Variants in AP1AR observed in about 807,000 individuals in gnomAD.
AP1AR encodes the protein adaptor related protein complex 1 associated regulatory protein, also known as AP-1 complex-associated regulatory protein.
A neutral mutation model predicts 46.3 loss-of-function variants in AP1AR; 29 were observed. That is an observed-to-expected ratio of 0.63 (90% CI 0.47 to 0.85). The LOEUF is 0.85. Among genes scored for constraint, AP1AR ranks in the 40% least tolerant of loss-of-function variants. The pLI is 0.00. For synonymous variants in AP1AR, 122 were observed against 122.9 expected (o/e 0.99, Z 0.05); for missense variants, 357 against 356.3 (o/e 1.00, Z -0.02).
At chr4:112,236,410 T>TTC (rs1209261214) in intron 1 of AP1AR, among the ~76,000 whole-genome samples, 1 of 151,316 alleles carries the variant, frequency 6.6e-6, no homozygotes, top group Non-Finnish European at 1.5e-5. Flanking sequence ...CTTTTTTTTT[T>TTC]TTTCCCCCAA....
chr4:112,249,277 G>A (rs945837827), intron 1 of AP1AR, among the ~76,000 whole-genome samples: 1 of 149,308 alleles, frequency 6.7e-6, no homozygotes, highest in Non-Finnish European at 1.5e-5. Flanking sequence ...GGCAACAAGA[G>A]CAAAACTCTG....
At chr4:112,257,257 A>G (rs1396831180) in intron 3 of AP1AR, among the ~76,000 whole-genome samples, 2 of 152,144 alleles carry the variant, frequency 1.3e-5, no homozygotes, top group Non-Finnish European at 2.9e-5. Context: ...GCCCTGTTCT[A>G]CCTCATCTGG....
At chr4:112,267,296 A>G (rs766938647) in intron 9 of AP1AR, among the ~76,000 whole-genome samples, 14 of 151,932 alleles carry the variant, frequency 9.2e-5, no homozygotes, top group Non-Finnish European at 1.6e-4. Context: ...TGTGAATCCT[A>G]GATTTTAATT....
chr4:112,263,421 C>G (rs1260835815), intron 6 of AP1AR, among the ~76,000 whole-genome samples: 2 of 150,462 alleles, frequency 1.3e-5, no homozygotes, highest in Admixed American at 6.6e-5. Flanking sequence ...CGTTGCAAAA[C>G]TAGCCTTTAA....
In AP1AR at chr4:112,231,945, G is replaced by A; in HGVS notation, c.-147G>A. The A allele has an allele frequency of 1.7e-6, 1 of 604,500 alleles. No individual in the cohort carries two copies. Among genetic ancestry groups the A allele is most frequent in the East Asian group, 3.5e-5 (1 of 28,870 alleles). 37.4% of individuals were successfully genotyped at this position (604,500 alleles called of 1,614,324 possible). Reference sequence around the variant, plus strand: ...CTAGCGCCTCGTCTTTCGTCGCCCCGTGCCCTCACGCCGCCGGGCTCTGGC... The same window carrying A: ...CTAGCGCCTCGTCTTTCGTCGCCCCATGCCCTCACGCCGCCGGGCTCTGGC... On this transcript the variant is annotated 5_prime_UTR_variant, in exon 1 of 10. It adds an upstream start codon to the 5' untranslated region. Transcript: ENST00000274000.
At chr4:112,247,902 G>A (rs914008547) in intron 1 of AP1AR, among the ~76,000 whole-genome samples, 1 of 152,190 alleles carries the variant, frequency 6.6e-6, no homozygotes, top group Non-Finnish European at 1.5e-5. Flanking sequence ...AGCTTGATGT[G>A]AAATATTATG....
intron 1 of AP1AR, among the ~76,000 whole-genome samples, chr4:112,245,715 C>G (rs1253769916): frequency 1.3e-5 from 2 of 152,186 alleles, no homozygotes; most frequent in East Asian, 3.9e-4. Context: ...CGTTCCTGAC[C>G]CATTGTAGGT....
In AP1AR at chr4:112,268,234, G is replaced by A. The variant is rs1726788696; in HGVS notation, c.734G>A (p.Gly245Glu). 3.1e-6 allele frequency: 5 copies of A among 1,613,054 alleles called. No individual in the cohort carries two copies. Among genetic ancestry groups the A allele is most frequent in the Non-Finnish European group, 4.2e-6 (5 of 1,179,348 alleles). The change falls in exon 10 of 10, where the codon GGA becomes GAA. Residue 245 changes from glycine (G) to glutamate (E), a missense_variant. Gly to Glu is a moderately conservative substitution (Grantham distance 98, BLOSUM62 -2). This residue lies in a region of AP1AR where 88 missense variants were observed against 132.7 expected (regional missense o/e 0.66). Transcript: ENST00000274000. ...CTTAAGTATAGCAACAAGAAGACTG[G>A]AAGTAATCCTACATCAGCCTCTGAT... ...AALKYSNKKT[G>E]SNPTSASDDS...
At chr4:112,265,103 G>A in intron 7 of AP1AR, 36 bp downstream of exon 7, 1 of 1,537,372 alleles carries the variant, frequency 6.5e-7, no homozygotes, top group Non-Finnish European at 8.8e-7. Context: ...TCCCTTTGTG[G>A]TAGAACATTT....
intron 1 of AP1AR, among the ~76,000 whole-genome samples, chr4:112,244,344 A>G (rs1246180446): frequency 6.6e-6 from 1 of 152,214 alleles, no homozygotes; most frequent in Non-Finnish European, 1.5e-5. Flanking sequence ...TTGAAGAAGG[A>G]AACTTGTCCT....
At chr4:112,268,033 C>A in intron 9 of AP1AR, 111 bp from the exon 10 acceptor site, 1 of 1,117,296 alleles carries the variant, frequency 9.0e-7, no homozygotes, top group Non-Finnish European at 1.2e-6. Flanking sequence ...TAAGTTAATT[C>A]ACACATCAAG....
intron 1 of AP1AR, among the ~76,000 whole-genome samples, chr4:112,238,053 T>C (rs1023320406): frequency 6.6e-6 from 1 of 152,220 alleles, no homozygotes; most frequent in Non-Finnish European, 1.5e-5. Flanking sequence ...AACAAATGAG[T>C]GTGGCTATAT....
rs141685623 is a variant in AP1AR, at chr4:112,235,662, A to G, written c.83+3488A>G. On this transcript the variant is annotated intron_variant, in intron 1 of 9. Transcript: ENST00000274000. The stretch of plus-strand genomic sequence containing the variant: ...TTGAAAACTGAAACTTAGAAAGTTG[A>G]ACTTTCCCAAGATAGCAGAGCTGGG... Among the ~76,000 whole-genome samples the G allele has an allele frequency of 2.0e-5, 3 of 152,308 alleles. No individual in the cohort carries two copies. In the East Asian group the frequency reaches 5.8e-4, roughly 29 times the overall value.
chr4:112,253,692 T>A (rs1726060700), intron 2 of AP1AR, among the ~76,000 whole-genome samples: 1 of 152,218 alleles, frequency 6.6e-6, no homozygotes, highest in Non-Finnish European at 1.5e-5. Context: ...CCTTACCTAC[T>A]ATAAACTAGC....
chr4:112,244,570 G>A (rs1725643951), intron 1 of AP1AR, among the ~76,000 whole-genome samples: 1 of 152,088 alleles, frequency 6.6e-6, no homozygotes, highest in African/African-American at 2.4e-5. Flanking sequence ...CTATATTGGA[G>A]GGTTTCTAAA....
intron 9 of AP1AR, 82 bp downstream of exon 9, chr4:112,266,798 A>C: frequency 7.7e-7 from 1 of 1,302,364 alleles, no homozygotes; most frequent in Non-Finnish European, 1.0e-6. Context: ...GTCTTTATTT[A>C]AATGGAAATA....
chr4:112,263,171 C>A, intron 6 of AP1AR, 85 bp downstream of exon 6: 1 of 1,068,276 alleles, frequency 9.4e-7, no homozygotes, highest in East Asian at 2.5e-5. Flanking sequence ...TCTTTTTTTC[C>A]TATTCTCAAG....
chr4:112,242,517 T>C (rs1335937552), intron 1 of AP1AR, among the ~76,000 whole-genome samples: 2 of 152,132 alleles, frequency 1.3e-5, no homozygotes, highest in African/African-American at 2.4e-5. Context: ...GGCATCTGCA[T>C]CTGGTAAGGT....
Position 112,253,225 on chromosome 4 carries a change from C to T in AP1AR, c.101C>T (p.Thr34Ile), listed in dbSNP as rs769650094. The T allele has an allele frequency of 3.1e-6, 5 of 1,610,174 alleles. No homozygotes were observed. The highest frequency in any genetic ancestry group is 4.2e-6 in the Non-Finnish European group (5 of 1,178,440). The change falls in exon 2 of 10, where the codon ACA becomes ATA. Residue 34 changes from threonine (T) to isoleucine (I), a missense_variant. Thr to Ile is a moderately conservative substitution (Grantham distance 89, BLOSUM62 -1). This residue lies in a region of AP1AR where 269 missense variants were observed against 223.6 expected (regional missense o/e 1.20). Transcript: ENST00000274000. ...GGGGGSKYFR[T>I]CSRGEHLTIE... ...CTTCCCAGATCCAAGTATTTTAGAA[C>T]ATGCTCAAGAGGTGAGCACTTAACA... is the stretch of plus-strand genomic sequence containing the variant.
Sources: gnomAD v4.1 joint callset for allele counts (sites outside exome capture counted in the v4.1 genomes callset) on GRCh38, gnomAD v4.1.1 for gene constraint, gnomAD v4.1.1 regional missense constraint, MANE v1.5 for transcripts, NCBI Gene and HGNC (gene_info 2026-07-23, HGNC 2026-07-21) for gene names.